SEMA3A: variants seen among roughly 807,000 people sequenced by gnomAD.
SEMA3A encodes the protein semaphorin 3A.
Under a neutral mutation model 97.9 loss-of-function variants are expected in SEMA3A, and 29 were observed. The observed-to-expected ratio is 0.30, with a 90% confidence interval of 0.22 to 0.40. The LOEUF (loss-of-function observed/expected upper bound fraction) is 0.40. SEMA3A is among the 10% of genes least tolerant of loss of function. The pLI is 1.00. For missense variants in SEMA3A, 763 were observed against 951.3 expected (o/e 0.80, Z 2.60); for synonymous variants, 321 against 323.7 (o/e 0.99, Z 0.09).
At chr7:84,110,972 G>C (rs978531512) in intron 3 of SEMA3A, among the ~76,000 whole-genome samples, 3 of 152,026 alleles carry the variant, frequency 2.0e-5, no homozygotes, top group East Asian at 1.9e-4. Context: ...CAAACAAAAT[G>C]ATGGGGAAAA....
chr7:84,023,424 G>T (rs944395662), intron 6 of SEMA3A, among the ~76,000 whole-genome samples: 3 of 152,116 alleles, frequency 2.0e-5, no homozygotes, highest in African/African-American at 7.2e-5. Flanking sequence ...GGCATTTGGG[G>T]TATCTGTAAA....
intron 4 of SEMA3A, among the ~76,000 whole-genome samples, chr7:84,066,181 C>G (rs189569303): frequency 6.6e-6 from 1 of 151,926 alleles, no homozygotes; most frequent in African/African-American, 2.4e-5. Context: ...ACATGATTAT[C>G]GCAATAGATG....
intron 1 of SEMA3A, among the ~76,000 whole-genome samples, chr7:84,440,224 A>T (rs1805238909): frequency 1.3e-5 from 2 of 152,220 alleles, no homozygotes; most frequent in African/African-American, 2.4e-5. Flanking sequence ...TTGATGGCTT[A>T]CATCTTTCAG....
At chr7:84,189,575 G>A (rs1189397754) in intron 1 of SEMA3A, among the ~76,000 whole-genome samples, 2 of 151,554 alleles carry the variant, frequency 1.3e-5, no homozygotes, top group African/African-American at 4.8e-5. Context: ...ATTTCTTACA[G>A]GCAACTTAAA....
chr7:83,985,658 C>G (rs1223025794), intron 12 of SEMA3A, among the ~76,000 whole-genome samples, 181 bp from the exon 13 acceptor site: 1 of 152,118 alleles, frequency 6.6e-6, no homozygotes, highest in African/African-American at 2.4e-5. Context: ...ATATGTGGAG[C>G]AGGCAATAAG....
At chr7:84,405,016 A>C (rs968746013) in intron 1 of SEMA3A, among the ~76,000 whole-genome samples, 1 of 152,180 alleles carries the variant, frequency 6.6e-6, no homozygotes, top group African/African-American at 2.4e-5. Flanking sequence ...CTAAAAACAT[A>C]ATGACAGGAT....
intron 3 of SEMA3A, among the ~76,000 whole-genome samples, chr7:84,257,190 A>AT (rs200464511): frequency 5.3e-5 from 8 of 151,914 alleles, no homozygotes; most frequent in African/African-American, 1.7e-4. Flanking sequence ...ATCACACAAG[A>AT]TTTTTTTTAA....
At chr7:84,106,197 A>AT (rs1387294996) in intron 4 of SEMA3A, among the ~76,000 whole-genome samples, 6 of 152,310 alleles carry the variant, frequency 3.9e-5, no homozygotes, top group African/African-American at 1.4e-4. Context: ...GATGAACGGC[A>AT]TGTAGGATGG....
At chr7:84,466,259 G>A (rs1240421722) in intron 1 of SEMA3A, among the ~76,000 whole-genome samples, 2 of 151,950 alleles carry the variant, frequency 1.3e-5, no homozygotes, top group Non-Finnish European at 1.5e-5. Context: ...TGCAACCTCC[G>A]CCTCCCTGGT....
At chr7:84,417,610 T>C (rs1038116087) in intron 1 of SEMA3A, among the ~76,000 whole-genome samples, 13 of 152,158 alleles carry the variant, frequency 8.5e-5, no homozygotes, top group Non-Finnish European at 1.5e-4. Flanking sequence ...GCTTGAATTA[T>C]GCAAATTATA....
chr7:84,183,168 G>A (rs1036312274), intron 1 of SEMA3A, among the ~76,000 whole-genome samples: 4 of 152,088 alleles, frequency 2.6e-5, no homozygotes, highest in African/African-American at 9.7e-5. Context: ...CTGAGTGGTA[G>A]CTATTCTACC....
At chr7:84,119,637 CAG>C (rs1300951485) in intron 3 of SEMA3A, among the ~76,000 whole-genome samples, 1 of 152,112 alleles carries the variant, frequency 6.6e-6, no homozygotes, top group Non-Finnish European at 1.5e-5. Flanking sequence ...AAAATATTAT[CAG>C]AGTCCATGTT....
At chr7:84,258,397 C>A (rs1044700122) in intron 3 of SEMA3A, among the ~76,000 whole-genome samples, 2 of 152,056 alleles carry the variant, frequency 1.3e-5, no homozygotes, top group African/African-American at 4.8e-5. Flanking sequence ...GGAATTCTTT[C>A]CCACCATATA....
chr7:84,211,505 C>T (rs1584129927), intron 3 of SEMA3A, among the ~76,000 whole-genome samples: 2 of 151,786 alleles, frequency 1.3e-5, no homozygotes, highest in South Asian at 2.1e-4. Flanking sequence ...CCTGTAATCC[C>T]AGCTACTCGG....
At chr7:83,965,246 A>G (rs1788625276) in intron 15 of SEMA3A, among the ~76,000 whole-genome samples, 1 of 151,596 alleles carries the variant, frequency 6.6e-6, no homozygotes, top group African/African-American at 2.4e-5. Context: ...GCCCGTTTAA[A>G]CTTTTCTTTA....
intron 15 of SEMA3A, among the ~76,000 whole-genome samples, chr7:83,965,663 TATA>T (rs1434627466): frequency 7.4e-4 from 10 of 13,584 alleles, no homozygotes; most frequent in African/African-American, 1.2e-3. Flanking sequence ...TATATATATA[TATA>T]TTTTTTTTTT....
chr7:84,374,767 G>A (rs1222297337), intron 1 of SEMA3A, among the ~76,000 whole-genome samples: 1 of 152,150 alleles, frequency 6.6e-6, no homozygotes, highest in Non-Finnish European at 1.5e-5. Flanking sequence ...AACTTTGTAA[G>A]GTTGATGATA....
chr7:84,426,399 A>T (rs990766482), intron 1 of SEMA3A, among the ~76,000 whole-genome samples: 2 of 152,108 alleles, frequency 1.3e-5, no homozygotes, highest in Admixed American at 6.6e-5. Flanking sequence ...TTGTTGACTG[A>T]TATGGTCGAT....
intron 2 of SEMA3A, among the ~76,000 whole-genome samples, chr7:84,339,171 T>A (rs78539808): frequency 4.1e-4 from 63 of 152,162 alleles, no homozygotes; most frequent in African/African-American, 1.5e-3. Flanking sequence ...ACTAACTGAA[T>A]CAATGTAATT....
Sources: allele counts gnomAD v4.1 joint callset (sites outside exome capture counted in the v4.1 genomes callset), GRCh38; gene constraint gnomAD v4.1.1; transcripts MANE v1.5; gene names NCBI Gene and HGNC (gene_info 2026-07-23, HGNC 2026-07-21).